The following THSD7B variants were observed in gnomAD, a reference collection of about 807,000 sequenced individuals.
THSD7B encodes the protein thrombospondin type 1 domain containing 7B.
In THSD7B, 138 loss-of-function variants were observed where a neutral mutation model predicts 213.6. That is an observed-to-expected ratio of 0.65 (90% CI 0.56 to 0.74). The LOEUF is 0.74. Ranked by LOEUF, THSD7B falls within the 30% of genes least tolerant of loss-of-function variation. The pLI is 0.00. For missense variants in THSD7B, 1,931 were observed against 1,991.5 expected, an observed-to-expected ratio of 0.97 and a Z score of 0.58; for synonymous variants, 742 against 687.0, an observed-to-expected ratio of 1.08 and a Z score of -1.25.
At chr2:137,031,660 A>G (rs1223122369) in intron 2 of THSD7B, among the ~76,000 whole-genome samples, 1 of 148,090 alleles carries the variant, frequency 6.8e-6, no homozygotes, top group Non-Finnish European at 1.5e-5. Context: ...AATATATTCA[A>G]AAAGAAGCAT....
intron 17 of THSD7B, among the ~76,000 whole-genome samples, chr2:137,593,535 A>G (rs1298807810): frequency 7.9e-6 from 1 of 126,042 alleles, no homozygotes; most frequent in African/African-American, 3.0e-5. Context: ...AATAGTGTTG[A>G]GCAACTTTTT....
chr2:136,869,307 T>G (rs1434274858), intron 1 of THSD7B, among the ~76,000 whole-genome samples: 1 of 152,214 alleles, frequency 6.6e-6, no homozygotes, highest in Non-Finnish European at 1.5e-5. Context: ...CCAAGAGACA[T>G]TCCTAAAGTT....
intron 17 of THSD7B, among the ~76,000 whole-genome samples, chr2:137,589,833 A>G (rs1044630956): frequency 1.3e-5 from 2 of 152,182 alleles, no homozygotes; most frequent in African/African-American, 2.4e-5. Flanking sequence ...ACATCCTTGC[A>G]TTCCTGATTC....
At chr2:136,919,951 T>A (rs997575996) in intron 2 of THSD7B, among the ~76,000 whole-genome samples, 27 of 152,154 alleles carry the variant, frequency 1.8e-4, no homozygotes, top group Non-Finnish European at 1.0e-4. Context: ...GCAGGGAACA[T>A]GGTGGTGCCT....
chr2:137,372,387 G>A (rs1235711953), intron 12 of THSD7B, among the ~76,000 whole-genome samples: 2 of 123,034 alleles, frequency 1.6e-5, no homozygotes, highest in Non-Finnish European at 3.2e-5. Flanking sequence ...CCAAATGTTA[G>A]CAACCATGGC....
chr2:137,155,958 T>C (rs562638188), intron 5 of THSD7B: 3 of 152,258 alleles, frequency 2.0e-5, no homozygotes, highest in South Asian at 4.1e-4. Context: ...CAGAGATGAG[T>C]TGGCCACTTG....
chr2:137,365,931 C>T (rs919983034), intron 12 of THSD7B, among the ~76,000 whole-genome samples: 46 of 152,160 alleles, frequency 3.0e-4, no homozygotes, highest in African/African-American at 1.1e-3. Context: ...ACTATAAAGA[C>T]ACATGGACAT....
intron 12 of THSD7B, among the ~76,000 whole-genome samples, chr2:137,382,840 A>G (rs998918868): frequency 1.1e-4 from 16 of 152,202 alleles, no homozygotes; most frequent in African/African-American, 2.9e-4. Context: ...TCACTGTTTA[A>G]GGAAGGGTGT....
chr2:137,096,390 A>G (rs1688040276), intron 4 of THSD7B, among the ~76,000 whole-genome samples: 1 of 152,178 alleles, frequency 6.6e-6, no homozygotes, highest in Non-Finnish European at 1.5e-5. Context: ...GAAACCTGAT[A>G]TGAGGTGTGC....
rs376468625 is a variant in THSD7B at position 137,124,039 on chromosome 2, G to T, written c.1369+8746G>T. ...TTTTAGGCATTACTTTTCACTTTGG[G>T]ACAACTTTTCTCTTCATTCCAGTTG... On this transcript the variant is annotated intron_variant, in intron 5 of 27. Transcript: ENST00000409968. Among the ~76,000 whole-genome samples, 3 of 152,148 alleles carry T rather than the reference G, an allele frequency of 2.0e-5. No homozygotes were observed. The East Asian group carries it at 5.8e-4, about 29-fold the overall frequency.
intron 12 of THSD7B, among the ~76,000 whole-genome samples, chr2:137,335,536 T>C (rs1221772936): frequency 1.3e-5 from 2 of 152,212 alleles, no homozygotes; most frequent in Non-Finnish European, 2.9e-5. Flanking sequence ...CCAAAATTAA[T>C]ACCCTATGCT....
chr2:136,803,755 A>C (rs745906266), intron 1 of THSD7B, among the ~76,000 whole-genome samples: 1 of 152,174 alleles, frequency 6.6e-6, no homozygotes, highest in Non-Finnish European at 1.5e-5. Flanking sequence ...GGTGAAATGC[A>C]CTTCAAGTCC....
chr2:137,203,572 G>GA (rs929452426), intron 7 of THSD7B, among the ~76,000 whole-genome samples: 6 of 151,232 alleles, frequency 4.0e-5, no homozygotes, highest in African/African-American at 7.3e-5. Context: ...AAGAGATAAG[G>GA]AAAAAAAACC....
At chr2:136,779,315 A>G (rs112038136) in intron 1 of THSD7B, among the ~76,000 whole-genome samples, 21 of 152,064 alleles carry the variant, frequency 1.4e-4, no homozygotes, top group African/African-American at 5.1e-4. Context: ...TTTGGGAAAT[A>G]TGTCCAATTT....
chr2:137,588,116 C>T (rs375807066), intron 17 of THSD7B, among the ~76,000 whole-genome samples: 5 of 152,310 alleles, frequency 3.3e-5, no homozygotes, highest in Middle Eastern at 3.4e-3. Flanking sequence ...GCTCCAAGGG[C>T]GTGGGACCCT....
In THSD7B at chr2:137,291,945, CA is replaced by C. The variant is rs536036490; in HGVS notation, c.2500+15920del. Among the ~76,000 whole-genome samples the C allele has an allele frequency of 7.2e-5, 11 of 152,168 alleles. No individual in the cohort carries two copies. The East Asian group carries it at 1.4e-3, about 19-fold the overall frequency. ...TTTCTTTAGAGTAGTGCTTTTCAAT[CA>C]GGGGTGAATTTTTCCCTCAAGGGAC... On this transcript the variant is annotated intron_variant, in intron 12 of 27. Transcript: ENST00000409968.
At chr2:137,108,839 G>A (rs1418539202) in intron 4 of THSD7B, among the ~76,000 whole-genome samples, 1 of 152,144 alleles carries the variant, frequency 6.6e-6, no homozygotes, top group Non-Finnish European at 1.5e-5. Flanking sequence ...AAGTTCAGAA[G>A]ACAGATGGTA....
chr2:137,162,174 T>C (rs1680032233), intron 6 of THSD7B, among the ~76,000 whole-genome samples: 1 of 152,128 alleles, frequency 6.6e-6, no homozygotes, highest in African/African-American at 2.4e-5. Flanking sequence ...CATCCAAGAG[T>C]ATAAACAGGC....
At chr2:136,833,993 C>A (rs1682804483) in intron 1 of THSD7B, among the ~76,000 whole-genome samples, 1 of 152,128 alleles carries the variant, frequency 6.6e-6, no homozygotes, top group South Asian at 2.1e-4. Flanking sequence ...AATAGTTTAG[C>A]CAGAACTCTT....
Sources: allele counts gnomAD v4.1 joint callset (sites outside exome capture counted in the v4.1 genomes callset), GRCh38; gene constraint gnomAD v4.1.1; transcripts MANE v1.5; gene names NCBI Gene and HGNC (gene_info 2026-07-23, HGNC 2026-07-21).